Variants in LRP1B observed in about 807,000 individuals in gnomAD.
LRP1B encodes the protein low-density lipoprotein receptor-related protein 1B.
LRP1B carries 217 observed loss-of-function variants against 556.6 expected under a neutral mutation model. The observed-to-expected ratio is 0.39, with a 90% CI of 0.35 to 0.44. LRP1B has a LOEUF of 0.44. LRP1B is among the 20% of genes least tolerant of loss of function. The pLI is 1.00. For missense variants in LRP1B, 5,053 were observed against 5,620.8 expected (o/e 0.90, Z 3.23); for synonymous variants, 2,047 against 1,865.8 (o/e 1.10, Z -2.50).
chr2:141,199,930 C>A (rs1681926571), intron 6 of LRP1B, among the ~76,000 whole-genome samples: 1 of 152,064 alleles, frequency 6.6e-6, no homozygotes, highest in Non-Finnish European at 1.5e-5. Flanking sequence ...ATAACATATG[C>A]TTCCAAGGCT....
At chr2:140,995,653 G>A (rs1377508244) in intron 15 of LRP1B, among the ~76,000 whole-genome samples, 1 of 151,958 alleles carries the variant, frequency 6.6e-6, no homozygotes, top group Non-Finnish European at 1.5e-5. Context: ...CAATGCAATA[G>A]CACACAGCTT....
chr2:141,840,872 T>C (rs939190285), intron 1 of LRP1B, among the ~76,000 whole-genome samples: 3 of 151,994 alleles, frequency 2.0e-5, no homozygotes, highest in Non-Finnish European at 4.4e-5. Context: ...CAGAATCATA[T>C]TTCATAATAA....
intron 2 of LRP1B, among the ~76,000 whole-genome samples, chr2:141,583,890 C>T (rs1462764163): frequency 6.7e-6 from 1 of 149,838 alleles, no homozygotes; most frequent in Non-Finnish European, 1.5e-5. Context: ...CAGCCATGCA[C>T]CACCATGCCC....
At chr2:140,997,951 CTG>C in intron 15 of LRP1B, among the ~76,000 whole-genome samples, 1 of 152,044 alleles carries the variant, frequency 6.6e-6, no homozygotes, top group East Asian at 1.9e-4. Flanking sequence ...ACATAATCTT[CTG>C]TGAGTTCCTA....
intron 41 of LRP1B, among the ~76,000 whole-genome samples, chr2:140,677,876 C>CAAAA (rs56656451): frequency 0.064 from 4,808 of 75,062 alleles, 120 homozygotes; most frequent in African/African-American, 0.079. Context: ...AACTATGTCT[C>CAAAA]AAAAAAAAAA....
In LRP1B at chr2:140,833,409, C is replaced by T. The variant is rs115763836; in HGVS notation, c.5209+6582G>A. On this transcript the variant is annotated intron_variant, in intron 31 of 90. Transcript: ENST00000389484. ...GCTTAGCCCACCACAACTATGACCACCATCACTCACTGATTCACCAAAAAT... is the reference window on the plus strand; with the variant it reads ...GCTTAGCCCACCACAACTATGACCATCATCACTCACTGATTCACCAAAAAT... 9.0e-3 allele frequency among the ~76,000 whole-genome samples: 1,374 copies of T among 152,310 alleles called. 11 individuals are homozygous for T. The highest frequency in any genetic ancestry group is 0.014 in the Non-Finnish European group (971 of 68,012).
At chr2:140,623,034 AT>A (rs1223612326) in intron 41 of LRP1B, among the ~76,000 whole-genome samples, 1 of 152,208 alleles carries the variant, frequency 6.6e-6, no homozygotes, top group South Asian at 2.1e-4. Flanking sequence ...CAATTTACAT[AT>A]TTTTAAAAAT....
chr2:141,893,355 C>T (rs111817781), intron 1 of LRP1B, among the ~76,000 whole-genome samples: 11,814 of 152,008 alleles, frequency 0.078, 1,529 homozygotes, highest in African/African-American at 0.27. Flanking sequence ...CGTGTGCCAC[C>T]GCACCTGGCT....
chr2:141,550,403 G>C (rs985042867), intron 2 of LRP1B, among the ~76,000 whole-genome samples: 5 of 152,138 alleles, frequency 3.3e-5, no homozygotes, highest in Admixed American at 2.0e-4. Flanking sequence ...ACAATACGTA[G>C]AACTATTGCC....
intron 3 of LRP1B, among the ~76,000 whole-genome samples, chr2:141,260,518 G>A (rs1040933166): frequency 1.3e-5 from 2 of 151,976 alleles, no homozygotes; most frequent in African/African-American, 2.4e-5. Flanking sequence ...CAAACATTAC[G>A]AGTTATTACC....
At chr2:141,265,938 T>C (rs1684869884) in intron 3 of LRP1B, among the ~76,000 whole-genome samples, 1 of 152,178 alleles carries the variant, frequency 6.6e-6, no homozygotes, top group South Asian at 2.1e-4. Flanking sequence ...GTCCTACCTC[T>C]CCTTTAGTCG....
rs946054496 is a variant in LRP1B at position 140,432,474 on chromosome 2, G to T, written c.10414+10030C>A. ...ATAAAGAGCTTTATTATTTCTGGAGGTAGTTTCTTGTGCCTCTGTGATTTC... is the reference window on the plus strand; with the variant it reads ...ATAAAGAGCTTTATTATTTCTGGAGTTAGTTTCTTGTGCCTCTGTGATTTC... On this transcript the variant is annotated intron_variant, in intron 66 of 90. Coordinates refer to ENST00000389484, the MANE Select transcript of LRP1B (RefSeq NM_018557.3). Among the ~76,000 whole-genome samples the T allele has an allele frequency of 4.6e-5, 7 of 152,178 alleles. No homozygotes were observed. In the East Asian group the frequency reaches 1.4e-3, roughly 29 times the overall value.
chr2:140,955,952 T>TCATGTAACACATGTAACA (rs1695859631), intron 18 of LRP1B, among the ~76,000 whole-genome samples: 1 of 151,690 alleles, frequency 6.6e-6, no homozygotes, highest in Non-Finnish European at 1.5e-5. Flanking sequence ...ATGTTTGAGA[T>TCATGTAACACATGTAACA]CATGTAACAC....
At chr2:141,112,095 A>AAATAAATAAATG in intron 7 of LRP1B, among the ~76,000 whole-genome samples, 1 of 151,546 alleles carries the variant, frequency 6.6e-6, no homozygotes, top group East Asian at 1.9e-4. Context: ...ATAAATAAAT[A>AAATAAATAAATG]AATTCTACTC....
intron 43 of LRP1B, among the ~76,000 whole-genome samples, chr2:140,581,097 C>A (rs1469134736): frequency 2.0e-5 from 3 of 152,140 alleles, no homozygotes; most frequent in African/African-American, 7.2e-5. Flanking sequence ...CAGACATGAA[C>A]CTTGCATCAT....
chr2:141,267,835 G>C (rs2105363246), intron 3 of LRP1B, among the ~76,000 whole-genome samples: 1 of 152,298 alleles, frequency 6.6e-6, no homozygotes, highest in East Asian at 1.9e-4. Flanking sequence ...TTTGTGAGAG[G>C]AATATAATAG....
At chr2:141,409,784 G>A (rs867040100) in intron 3 of LRP1B, among the ~76,000 whole-genome samples, 5 of 152,204 alleles carry the variant, frequency 3.3e-5, no homozygotes, top group African/African-American at 7.2e-5. Context: ...TGCGAGGGGA[G>A]ATGTAATTAT....
intron 2 of LRP1B, among the ~76,000 whole-genome samples, chr2:141,776,802 C>T (rs1216636598): frequency 6.6e-6 from 1 of 152,134 alleles, no homozygotes; most frequent in African/African-American, 2.4e-5. Flanking sequence ...TATGAAATAT[C>T]TGGAGAACAA....
At chr2:140,561,680 G>T (rs1029960521) in intron 43 of LRP1B, among the ~76,000 whole-genome samples, 2 of 151,186 alleles carry the variant, frequency 1.3e-5, no homozygotes, top group African/African-American at 4.9e-5. Flanking sequence ...TATAAGTAAA[G>T]AAAAAAATAA....
Sources: gnomAD v4.1 joint callset for allele counts (sites outside exome capture counted in the v4.1 genomes callset) on GRCh38, gnomAD v4.1.1 for gene constraint, MANE v1.5 for transcripts, NCBI Gene and HGNC (gene_info 2026-07-23, HGNC 2026-07-21) for gene names.